The following GSK3B variants were observed in gnomAD, a reference collection of about 807,000 sequenced individuals.
GSK3B encodes glycogen synthase kinase-3 beta.
A neutral mutation model predicts 56.4 loss-of-function variants in GSK3B; 15 were observed. That is an observed-to-expected ratio of 0.27 (90% CI 0.18 to 0.41). GSK3B has a LOEUF of 0.41. Among genes scored for constraint, GSK3B ranks in the 10% least tolerant of loss-of-function variants. The pLI is 1.00. For missense variants in GSK3B, 300 were observed against 513.4 expected, an observed-to-expected ratio of 0.58 and a Z score of 4.02; for synonymous variants, 181 against 188.9, an observed-to-expected ratio of 0.96 and a Z score of 0.34.
Position 119,826,070 on chromosome 3 carries a change from C to T in GSK3B, c.*718G>A, listed in dbSNP as rs551271791. Reference sequence around the variant, plus strand: ...TGTGCCTGAGTCTTGCTTGCTGCTTCCCCTCTGGCAGCCTCCTGTACAAGC... The same window carrying T: ...TGTGCCTGAGTCTTGCTTGCTGCTTTCCCTCTGGCAGCCTCCTGTACAAGC... On this transcript the variant is annotated 3_prime_UTR_variant, in exon 11 of 11. Transcript: ENST00000264235. 3 of 224,264 alleles carry T rather than the reference C, an allele frequency of 1.3e-5. No individual in the cohort carries two copies. Among genetic ancestry groups the T allele is most frequent in the Non-Finnish European group, 2.7e-5 (3 of 112,676 alleles). The allele number at this position is 224,264 out of a possible 1,614,324, so 13.9% of individuals were successfully genotyped here. A position where few individuals can be genotyped will look rare whatever the true frequency, so the allele number is the denominator to read the frequency against.
At chr3:120,003,702 A>AT in intron 1 of GSK3B, among the ~76,000 whole-genome samples, 1 of 152,362 alleles carries the variant, frequency 6.6e-6, no homozygotes, top group South Asian at 2.1e-4. Flanking sequence ...TCACAGAAGT[A>AT]TTAATATACA....
intron 2 of GSK3B, among the ~76,000 whole-genome samples, chr3:119,990,313 T>A (rs2107465439): frequency 6.6e-6 from 1 of 152,184 alleles, no homozygotes; most frequent in South Asian, 2.1e-4. Flanking sequence ...CATTCCAATC[T>A]TGTGATAAGC....
rs560410835 is a variant in GSK3B at position 119,955,596 on chromosome 3, G to A, written c.283-8245C>T. Among the ~76,000 whole-genome samples the A allele has an allele frequency of 4.6e-5, 7 of 152,104 alleles. No homozygotes were observed. The East Asian group carries it at 5.8e-4, about 13-fold the overall frequency. On this transcript the variant is annotated intron_variant, in intron 2 of 10. Transcript: ENST00000264235. ...TCAGGTGGAAAGTCTTAAATACAGC[G>A]CTAAATATTACAAGGCATAAAGAAC...
At chr3:119,867,988 G>A (rs1051706326) in intron 8 of GSK3B, among the ~76,000 whole-genome samples, 14 of 151,864 alleles carry the variant, frequency 9.2e-5, no homozygotes, top group Admixed American at 2.0e-4. Context: ...CAATTAGTAC[G>A]CAGACTAAAT....
chr3:119,865,787 A>G (rs1022008756), intron 8 of GSK3B, among the ~76,000 whole-genome samples: 11 of 151,862 alleles, frequency 7.2e-5, no homozygotes, highest in Non-Finnish European at 1.5e-5. Context: ...GTAATTTTTT[A>G]AGTCACCCAT....
chr3:120,020,230 C>A (rs1202666154), intron 1 of GSK3B, among the ~76,000 whole-genome samples: 1 of 152,160 alleles, frequency 6.6e-6, no homozygotes. Context: ...GGACACCATA[C>A]ATTTTCAAAT....
At chr3:120,024,070 T>C (rs572752731) in intron 1 of GSK3B, among the ~76,000 whole-genome samples, 1 of 152,342 alleles carries the variant, frequency 6.6e-6, no homozygotes, top group Non-Finnish European at 1.5e-5. Context: ...GGCTCACACC[T>C]ATAATCCCAG....
intron 10 of GSK3B, among the ~76,000 whole-genome samples, chr3:119,832,163 G>A (rs561926796): frequency 6.6e-6 from 1 of 152,332 alleles, no homozygotes; most frequent in East Asian, 1.9e-4. Flanking sequence ...ACTTAGTCTA[G>A]GGGAAGCCAG....
chr3:120,041,175 C>T (rs958619415), intron 1 of GSK3B: 3 of 176,956 alleles, frequency 1.7e-5, no homozygotes, highest in Non-Finnish European at 2.4e-5. Flanking sequence ...GGCCAAACCC[C>T]GAACAGGCTA....
At chr3:119,847,858 A>ATG in intron 9 of GSK3B, among the ~76,000 whole-genome samples, 1 of 152,166 alleles carries the variant, frequency 6.6e-6, no homozygotes, top group Admixed American at 6.5e-5. Flanking sequence ...ATGAATGAGA[A>ATG]TGTGTGTCTG....
intron 1 of GSK3B, among the ~76,000 whole-genome samples, chr3:120,091,754 C>T (rs1022080083): frequency 1.9e-4 from 29 of 152,040 alleles, no homozygotes; most frequent in African/African-American, 6.5e-4. Flanking sequence ...AAAGCACGAC[C>T]CTTCCCTGAA....
intron 8 of GSK3B, among the ~76,000 whole-genome samples, chr3:119,871,824 C>A (rs543824820): frequency 6.6e-6 from 1 of 152,090 alleles, no homozygotes; most frequent in Non-Finnish European, 1.5e-5. Flanking sequence ...ACAAACTGGA[C>A]AACACTCCAA....
chr3:119,852,043 G>C (rs1267533161), intron 9 of GSK3B, among the ~76,000 whole-genome samples: 3 of 152,128 alleles, frequency 2.0e-5, no homozygotes, highest in Non-Finnish European at 4.4e-5. Flanking sequence ...AAAGTGCCCA[G>C]GAAATTCCTG....
At chr3:120,051,634 G>A (rs1299694437) in intron 1 of GSK3B, among the ~76,000 whole-genome samples, 1 of 152,000 alleles carries the variant, frequency 6.6e-6, no homozygotes, top group Non-Finnish European at 1.5e-5. Flanking sequence ...AGGTGTGGTG[G>A]TGGGCATCTG....
Position 119,976,991 on chromosome 3 carries a change from C to T in GSK3B, c.282+25055G>A, listed in dbSNP as rs556990062. Among the ~76,000 whole-genome samples the T allele has an allele frequency of 2.6e-5, 4 of 152,174 alleles. No homozygotes were observed. The South Asian group carries it at 8.3e-4, about 32-fold the overall frequency. ...TCTCCTTCTCTCAAACCACTCAAGA[C>T]ACTGAAAGCCAGAAAGAAGAAATTC... On this transcript the variant is annotated intron_variant, in intron 2 of 10. Transcript: ENST00000264235.
chr3:120,002,001 T>G, intron 2 of GSK3B, 45 bp downstream of exon 2: 1 of 1,197,888 alleles, frequency 8.3e-7, no homozygotes, highest in South Asian at 1.9e-5. Context: ...TTATGGTATA[T>G]GTATTACGAC....
At chr3:120,068,527 C>T (rs955635938) in intron 1 of GSK3B, among the ~76,000 whole-genome samples, 6 of 151,534 alleles carry the variant, frequency 4.0e-5, no homozygotes, top group Admixed American at 6.6e-5. Flanking sequence ...ATGGTGAAAC[C>T]CCGTCCCTAC....
chr3:120,078,543 CT>C (rs1184624949), intron 1 of GSK3B, among the ~76,000 whole-genome samples: 10 of 144,058 alleles, frequency 6.9e-5, no homozygotes, highest in Non-Finnish European at 1.5e-4. Context: ...AGAACTTCTC[CT>C]CTTTTTTTTT....
At chr3:119,861,546 C>A (rs964426932) in intron 9 of GSK3B, among the ~76,000 whole-genome samples, 10 of 149,256 alleles carry the variant, frequency 6.7e-5, no homozygotes, top group East Asian at 3.9e-4. Flanking sequence ...AACAAACAAA[C>A]AAAAAAACCA....
Sources: allele counts gnomAD v4.1 joint callset (sites outside exome capture counted in the v4.1 genomes callset), GRCh38; gene constraint gnomAD v4.1.1; transcripts MANE v1.5; gene names NCBI Gene and HGNC (gene_info 2026-07-23, HGNC 2026-07-21).